PCYT2: variants seen among roughly 807,000 people sequenced by gnomAD.
The protein encoded by PCYT2 is phosphate cytidylyltransferase 2, ethanolamine.
In PCYT2, 33 loss-of-function variants were observed where a neutral mutation model predicts 50.0. The ratio of observed to expected loss-of-function variants is 0.66; its 90% confidence interval spans 0.50 to 0.88. The LOEUF is 0.88. PCYT2 is among the 40% of genes least tolerant of loss of function. The pLI is 0.00. For missense variants in PCYT2, 430 were observed against 519.7 expected (o/e 0.83, Z 1.68); for synonymous variants, 240 against 203.7 (o/e 1.18, Z -1.52).
intron 2 of PCYT2, 67 bp from the exon 3 acceptor site, chr17:81,909,104 T>C: frequency 6.4e-7 from 1 of 1,563,894 alleles, no homozygotes; most frequent in Non-Finnish European, 8.6e-7. Context: ...GGAGGCCCCT[T>C]CCCAGCACCC....
Position 81,911,364 on chromosome 17 carries a change from A to G in PCYT2, c.-9T>C. On this transcript the variant is annotated 5_prime_UTR_variant, in exon 1 of 13. Transcript: ENST00000538936. The stretch of plus-strand genomic sequence containing the variant: ...CGCCCGTTCCGGATCATGGCCCCGC[A>G]GCGGCGGCGCGGACAGCCTGGCAGC... 9.6e-7 allele frequency: 1 copy of G among 1,042,658 alleles called. No homozygotes were observed. The highest frequency in any genetic ancestry group is 3.3e-5 in the South Asian group (1 of 30,076). The allele number at this position is 1,042,658 out of a possible 1,614,324, so 64.6% of individuals were successfully genotyped here.
intron 5 of PCYT2, 87 bp downstream of exon 5, chr17:81,907,686 G>A: frequency 6.3e-7 from 1 of 1,595,206 alleles, no homozygotes; most frequent in Non-Finnish European, 8.6e-7. Context: ...GCAGTGGGCA[G>A]GAGGACCCTG....
chr17:81,906,342 G>C, intron 8 of PCYT2, 122 bp downstream of exon 8: 1 of 1,156,036 alleles, frequency 8.7e-7, no homozygotes, highest in South Asian at 1.3e-5. Flanking sequence ...TCACCCCCCA[G>C]GGTCTCCTGT....
rs768632435 is a variant in PCYT2 at position 81,905,730 on chromosome 17, C to G, written c.843G>C (p.Val281=). The change falls in exon 10 of 13, where the codon GTG becomes GTC. Residue 281 remains valine, a synonymous_variant. Transcript: ENST00000538936. ...ACGGGGCTCCAATCACCACTTCTGA[C>G]ACGTACTGTGGGGACAGTGGGGGCA... The part of the protein sequence containing the change: ...RTLSVLACRY[V]SEVVIGAPYA... The G allele has an allele frequency of 1.9e-6, 3 of 1,613,608 alleles. No homozygotes were observed. The highest frequency in any genetic ancestry group is 4.5e-5 in the East Asian group (2 of 44,876).
At chr17:81,910,893 A>G in intron 1 of PCYT2, 1 of 987,570 alleles carries the variant, frequency 1.0e-6, no homozygotes, top group Non-Finnish European at 1.2e-6. Flanking sequence ...GTCGCACCCG[A>G]TGCCCACCTA....
chr17:81,910,692 T>C (rs557633270), intron 1 of PCYT2, among the ~76,000 whole-genome samples: 120 of 152,342 alleles, frequency 7.9e-4, no homozygotes, highest in Non-Finnish European at 1.5e-3. Flanking sequence ...CTGGATTCCA[T>C]CCGGCAGGCA....
In PCYT2 at chr17:81,903,707, C is replaced by G. The variant is rs1054348060; in HGVS notation, c.*1126G>C. The stretch of plus-strand genomic sequence containing the variant: ...TGCCTTCCTGGGCTGTGGAGAGCCT[C>G]GCGTGCACCTCGCCTCCAGCTCCTG... On this transcript the variant is annotated 3_prime_UTR_variant, in exon 13 of 13. Coordinates refer to ENST00000538936, the MANE Select transcript of PCYT2 (RefSeq NM_002861.5). 6.6e-6 allele frequency: 1 copy of G among 152,300 alleles called. No individual in the cohort carries two copies. Among genetic ancestry groups the G allele is most frequent in the Non-Finnish European group, 1.5e-5 (1 of 68,118 alleles). The allele number at this position is 152,300 out of a possible 1,614,324, so 9.4% of individuals were successfully genotyped here.
intron 6 of PCYT2, 99 bp downstream of exon 6, chr17:81,907,455 G>T: frequency 7.5e-7 from 1 of 1,342,198 alleles, no homozygotes; most frequent in Non-Finnish European, 1.0e-6. Context: ...AGGAGGGTGA[G>T]GCTCTGGGCT....
chr17:81,906,473 G>T lies in PCYT2; in HGVS notation c.750C>A (p.His250Gln). Residue 250 changes from histidine (H) to glutamine (Q), a missense_variant, in exon 8 of 13, where the codon CAC (histidine) becomes CAA (glutamine). This residue lies in a region of PCYT2 where 248 missense variants were observed against 300.2 expected (regional missense o/e 0.83). Coordinates refer to ENST00000538936, the MANE Select transcript of PCYT2 (RefSeq NM_002861.5). ...AERPYIIAGL[H>Q]FDQEVNHYKG... ...GCAAGAAGGCAGTGACCTGGTCAAA[G>T]TGTAAGCCCGCGATGATGTAGGGCC... 1 of 1,613,346 alleles carries T rather than the reference G, an allele frequency of 6.2e-7. No individual in the cohort carries two copies. Among genetic ancestry groups the T allele is most frequent in the Non-Finnish European group, 8.5e-7 (1 of 1,179,834 alleles).
Position 81,902,841 on chromosome 17 carries a change from G to C in PCYT2, c.*1992C>G, listed in dbSNP as rs964022770. 8.4e-7 allele frequency: 1 copy of C among 1,185,970 alleles called. No homozygotes were observed. Among genetic ancestry groups the C allele is most frequent in the South Asian group, 1.5e-5 (1 of 66,366 alleles). The allele number at this position is 1,185,970 out of a possible 1,614,324, so 73.5% of individuals were successfully genotyped here. On this transcript the variant is annotated 3_prime_UTR_variant, in exon 13 of 13. Transcript: ENST00000538936. ...CCTCCGGCGCGGGATGGCGCCCCAG[G>C]TCTCCCCTACTCCGCTCACCCCGCA...
At chr17:81,911,112 C>T in intron 1 of PCYT2, 155 bp downstream of exon 1, 3 of 1,002,564 alleles carry the variant, frequency 3.0e-6, no homozygotes, top group Non-Finnish European at 2.4e-6. Flanking sequence ...CCCGACCCTC[C>T]CGGCAGGCGA....
intron 12 of PCYT2, 50 bp from the exon 13 acceptor site, chr17:81,904,994 AG>A: frequency 6.3e-7 from 1 of 1,590,888 alleles, no homozygotes; most frequent in Non-Finnish European, 8.6e-7. Flanking sequence ...GGCGGCTCCG[AG>A]GGGGAGGGCA....
chr17:81,906,960 G>C (rs2040306922), intron 6 of PCYT2, 62 bp from the exon 7 acceptor site: 1 of 1,551,368 alleles, frequency 6.4e-7, no homozygotes, highest in African/African-American at 1.4e-5. Context: ...CCCTCACCAG[G>C]TCACCAAACC....
In PCYT2 at chr17:81,908,976, C is replaced by T. The variant is rs1402617855; in HGVS notation, c.240G>A (p.Val80=). 3.7e-6 allele frequency: 6 copies of T among 1,614,054 alleles called. No individual in the cohort carries two copies. Among genetic ancestry groups the T allele is most frequent in the Non-Finnish European group, 5.1e-6 (6 of 1,179,988 alleles). ...VFTQEERYKM[V]QAIKWVDEVV... Reference sequence around the variant, plus strand: ...CCTCGTCCACCCATTTGATGGCCTGCACCATCTTGTATCTCTCCTCCTGAG... The same window carrying T: ...CCTCGTCCACCCATTTGATGGCCTGTACCATCTTGTATCTCTCCTCCTGAG... The change falls in exon 3 of 13, where the codon GTG becomes GTA. Residue 80 remains valine (V), a synonymous_variant. Transcript: ENST00000538936.
chr17:81,905,161 G>T lies in PCYT2; in HGVS notation c.970-7C>A. On this transcript the variant is annotated splice_polypyrimidine_tract_variant and splice_region_variant and intron_variant, in intron 11 of 12. Coordinates refer to ENST00000538936, the MANE Select transcript of PCYT2 (RefSeq NM_002861.5). ...TGCCCCTTCTCTTGGGCTCCTGGGGGTCCAGAGAGGAGGAGCGGGATGAAG... is the reference window on the plus strand; with the variant it reads ...TGCCCCTTCTCTTGGGCTCCTGGGGTTCCAGAGAGGAGGAGCGGGATGAAG... 6.2e-7 allele frequency: 1 copy of T among 1,609,394 alleles called. No homozygotes were observed. Among genetic ancestry groups the T allele is most frequent in the Non-Finnish European group, 8.5e-7 (1 of 1,177,454 alleles).
In PCYT2 at chr17:81,903,862, C is replaced by G. The variant is rs1334397214; in HGVS notation, c.*971G>C. On this transcript the variant is annotated 3_prime_UTR_variant, in exon 13 of 13. Transcript: ENST00000538936. ...GCTGAAAAAAGTACTGATCATAAGC[C>G]TCATTTTGAATGCGGCGAGACCAGG... The G allele has an allele frequency of 6.6e-6, 1 of 152,292 alleles. No homozygotes were observed. Among genetic ancestry groups the G allele is most frequent in the Non-Finnish European group, 1.5e-5 (1 of 68,078 alleles). The allele number at this position is 152,292 out of a possible 1,614,324, so 9.4% of individuals were successfully genotyped here.
chr17:81,902,284 C>G lies in PCYT2; in HGVS notation c.*2549G>C, dbSNP rs905191833. The G allele has an allele frequency of 1.8e-5, 24 of 1,309,262 alleles. No individual in the cohort carries two copies. The African/African-American group carries it at 3.2e-4, about 18-fold the overall frequency. 81.1% of individuals were successfully genotyped at this position (1,309,262 alleles called of 1,614,324 possible). A position where few individuals can be genotyped will look rare whatever the true frequency, so the allele number is the denominator to read the frequency against. On this transcript the variant is annotated 3_prime_UTR_variant, in exon 13 of 13. Transcript: ENST00000538936. ...CCAGTCAGCCGGCGTCCCCATGGCCCGGTCCGCGACACTGGCGGCCGCCGC... is the reference window on the plus strand; with the variant it reads ...CCAGTCAGCCGGCGTCCCCATGGCCGGGTCCGCGACACTGGCGGCCGCCGC...
rs753316917 is a variant in PCYT2, at chr17:81,902,557, G to GGCGGCGGCAGGACGTGGGTGGGGGT, written c.*2251_*2275dup. On this transcript the variant is annotated 3_prime_UTR_variant, in exon 13 of 13. Coordinates refer to ENST00000538936, the MANE Select transcript of PCYT2 (RefSeq NM_002861.5). ...TCCGGCGTGCCGGGGACTGATGGGG[G>GGCGGCGGCAGGACGTGGGTGGGGGT]GCGGCGGCAGGACGTGGGTGGGGGT... The GGCGGCGGCAGGACGTGGGTGGGGGT allele has an allele frequency of 1.3e-5, 20 of 1,495,444 alleles. No individual in the cohort carries two copies. Among genetic ancestry groups the GGCGGCGGCAGGACGTGGGTGGGGGT allele is most frequent in the Non-Finnish European group, 1.8e-5 (20 of 1,127,956 alleles). 92.6% of individuals were successfully genotyped at this position (1,495,444 alleles called of 1,614,324 possible). A position where few individuals can be genotyped will look rare whatever the true frequency, so the allele number is the denominator to read the frequency against.
intron 7 of PCYT2, 89 bp from the exon 8 acceptor site, chr17:81,906,635 C>T: frequency 1.9e-6 from 3 of 1,574,126 alleles, no homozygotes; most frequent in African/African-American, 2.7e-5. Flanking sequence ...CGCCATCCTC[C>T]CTGCTGACAG....
Sources: allele counts gnomAD v4.1 joint callset (sites outside exome capture counted in the v4.1 genomes callset), GRCh38; gene constraint gnomAD v4.1.1; regional missense constraint gnomAD v4.1.1; transcripts MANE v1.5; gene names NCBI Gene and HGNC (gene_info 2026-07-23, HGNC 2026-07-21).